Variants in SDC4 observed in about 807,000 individuals in gnomAD.
SDC4 encodes the protein syndecan-4.
SDC4 carries 17 observed loss-of-function variants against 20.5 expected under a neutral mutation model. The ratio of observed to expected loss-of-function variants is 0.83; its 90% CI spans 0.57 to 1.25. The LOEUF is 1.25. Among genes scored for constraint, SDC4 ranks in the 50% most tolerant of loss-of-function variants. The pLI is 0.00. For synonymous variants in SDC4, 107 were observed against 105.3 expected (o/e 1.02, Z -0.10); for missense variants, 241 against 252.3 (o/e 0.96, Z 0.30).
intron 3 of SDC4, among the ~76,000 whole-genome samples, chr20:45,332,367 G>A (rs1987791381): frequency 3.3e-5 from 5 of 151,942 alleles, no homozygotes; most frequent in Non-Finnish European, 7.4e-5. Context: ...CACCATGTTG[G>A]CCAGGCTGGT....
At chr20:45,333,953 AAAG>A (rs147893643) in intron 2 of SDC4, among the ~76,000 whole-genome samples, 72,448 of 150,018 alleles carry the variant, frequency 0.48, 17,827 homozygotes, top group Admixed American at 0.56. Flanking sequence ...GTTAAAAAAA[AAAG>A]AAGAAGAAAT....
intron 1 of SDC4, among the ~76,000 whole-genome samples, chr20:45,336,921 A>G (rs1197836244): frequency 6.6e-6 from 1 of 151,242 alleles, no homozygotes; most frequent in Non-Finnish European, 1.5e-5. Flanking sequence ...TGCCAGCACC[A>G]TGCAGACACC....
chr20:45,329,206 G>A (rs1366124283), intron 4 of SDC4, among the ~76,000 whole-genome samples: 1 of 152,322 alleles, frequency 6.6e-6, no homozygotes, highest in African/African-American at 2.4e-5. Flanking sequence ...CTTTTCACAT[G>A]AGGCTCTTAG....
At chr20:45,348,234 TG>T (rs1365178485) in intron 1 of SDC4, 90 bp downstream of exon 1, 16 of 865,434 alleles carry the variant, frequency 1.8e-5, no homozygotes, top group Non-Finnish European at 2.7e-5. Flanking sequence ...ACCCCCGATC[TG>T]CCCCCCCCCA....
chr20:45,332,253 T>A (rs1332786787), intron 3 of SDC4, among the ~76,000 whole-genome samples: 3 of 151,532 alleles, frequency 2.0e-5, no homozygotes, highest in African/African-American at 7.3e-5. Context: ...CCTCTCAGGT[T>A]CAAGCGATCC....
At chr20:45,342,591 G>A (rs548039692) in intron 1 of SDC4, among the ~76,000 whole-genome samples, 1 of 152,250 alleles carries the variant, frequency 6.6e-6, no homozygotes, top group South Asian at 2.1e-4. Flanking sequence ...CTGGAGGACA[G>A]GGGGAGGGGT....
At chr20:45,343,577 A>G (rs1245280294) in intron 1 of SDC4, among the ~76,000 whole-genome samples, 1 of 152,200 alleles carries the variant, frequency 6.6e-6, no homozygotes, top group Non-Finnish European at 1.5e-5. Flanking sequence ...AACCCATTCG[A>G]TAATTAGCAA....
intron 4 of SDC4, 34 bp from the exon 5 acceptor site, chr20:45,327,449 G>A: frequency 6.2e-7 from 1 of 1,603,206 alleles, no homozygotes; most frequent in South Asian, 1.1e-5. Context: ...GCGGGGGTGA[G>A]AGCTCCTCAT....
chr20:45,335,874 C>T lies in SDC4; in HGVS notation c.107G>A (p.Arg36Gln), dbSNP rs1037132441. The change falls in exon 2 of 5, where the codon CGA (arginine) becomes CAA (glutamine). Residue 36 changes from arginine (R) to glutamine (Q), a missense_variant. Arg to Gln is a conservative substitution (Grantham distance 43, BLOSUM62 1). Coordinates refer to ENST00000372733, the MANE Select transcript of SDC4 (RefSeq NM_002999.4). Reference protein sequence around the residue: ...VIDPQDLLEGRYFSGALPDDE... With the variant: ...VIDPQDLLEGQYFSGALPDDE... ...GTCTGGTAGGGCTCCGGAGAAGTAT[C>T]GGCCTTCTAGGAGGTCCTGGGGGTC... 14 of 1,613,754 alleles carry T rather than the reference C, an allele frequency of 8.7e-6. No homozygotes were observed. Among genetic ancestry groups the T allele is most frequent in the Non-Finnish European group, 1.1e-5 (13 of 1,179,964 alleles).
At chr20:45,344,515 C>T (rs973786052) in intron 1 of SDC4, among the ~76,000 whole-genome samples, 29 of 152,196 alleles carry the variant, frequency 1.9e-4, no homozygotes, top group Admixed American at 6.5e-4. Flanking sequence ...CTGTCCAGTC[C>T]GGGAGGTTGA....
At chr20:45,339,191 C>A (rs1987919004) in intron 1 of SDC4, among the ~76,000 whole-genome samples, 1 of 152,164 alleles carries the variant, frequency 6.6e-6, no homozygotes, top group Non-Finnish European at 1.5e-5. Context: ...ACCAACGGTC[C>A]TCCTCTCCTC....
intron 1 of SDC4, among the ~76,000 whole-genome samples, chr20:45,343,783 G>C (rs1987990503): frequency 6.6e-6 from 1 of 152,162 alleles, no homozygotes; most frequent in Admixed American, 6.5e-5. Flanking sequence ...GCAAGGAAGG[G>C]AACTGTCACT....
At chr20:45,344,676 T>C (rs911262518) in intron 1 of SDC4, among the ~76,000 whole-genome samples, 1 of 152,002 alleles carries the variant, frequency 6.6e-6, no homozygotes, top group African/African-American at 2.4e-5. Flanking sequence ...GAGCTGAATG[T>C]CCCCCCGCCA....
rs753484032 is a variant in SDC4 at position 45,333,009 on chromosome 20, A to T, written c.246+14T>A. On this transcript the variant is annotated intron_variant, in intron 3 of 4. Coordinates refer to ENST00000372733, the MANE Select transcript of SDC4 (RefSeq NM_002999.4). ...GGAGCAAAGTGGAAGAGGCAGAAGC[A>T]TGTAGCTACTTACCAAGGGATGGAC... 1 of 1,613,586 alleles carries T rather than the reference A, an allele frequency of 6.2e-7. No individual in the cohort carries two copies. The highest frequency in any genetic ancestry group is 8.5e-7 in the Non-Finnish European group (1 of 1,179,438).
chr20:45,330,379 C>T lies in SDC4; in HGVS notation c.432G>A (p.Thr144=), dbSNP rs377410926. The change falls in exon 4 of 5, where the codon ACG becomes ACA. Residue 144 remains threonine, a synonymous_variant. Transcript: ENST00000372733. ...TVQGSNIFER[T]EVLAALIVGG... ...ATGGGGACTTACCTGCCAGGACCTC[C>T]GTTCTCTCAAAGATGTTGCTGCCCT... 9.9e-6 allele frequency: 16 copies of T among 1,614,092 alleles called. No homozygotes were observed. Among genetic ancestry groups the T allele is most frequent in the East Asian group, 2.2e-5 (1 of 44,872 alleles).
intron 4 of SDC4, 97 bp downstream of exon 4, chr20:45,330,269 G>C: frequency 9.2e-7 from 1 of 1,089,732 alleles, no homozygotes; most frequent in Non-Finnish European, 1.4e-6. Context: ...GGGCACCAAG[G>C]AGCCTCATGG....
At chr20:45,348,209 G>T in intron 1 of SDC4, 116 bp downstream of exon 1, 1 of 999,320 alleles carries the variant, frequency 1.0e-6, no homozygotes, top group Non-Finnish European at 1.5e-6. Context: ...CTCGGTGTCC[G>T]GTTGGGGGTA....
rs755292034 is a variant in SDC4, at chr20:45,327,426, G to A, written c.446-11C>T. 6 of 1,610,334 alleles carry A rather than the reference G, an allele frequency of 3.7e-6. 1 individual carries two copies. Among genetic ancestry groups the A allele is most frequent in the Admixed American group, 3.3e-5 (2 of 59,968 alleles). On this transcript the variant is annotated splice_polypyrimidine_tract_variant and intron_variant, in intron 4 of 4. Transcript: ENST00000372733. ...CACCCACAATCAGAGCTGGAGAGGA[G>A]GAGAGAGAAGAGGCGGGGGTGAGAG...
intron 1 of SDC4, among the ~76,000 whole-genome samples, chr20:45,340,501 C>A (rs1471972437): frequency 1.3e-5 from 2 of 152,248 alleles, no homozygotes; most frequent in Non-Finnish European, 2.9e-5. Context: ...CCCGCCAGTC[C>A]ACAACACACT....
Sources: allele counts gnomAD v4.1 joint callset (sites outside exome capture counted in the v4.1 genomes callset), GRCh38; gene constraint gnomAD v4.1.1; transcripts MANE v1.5; gene names NCBI Gene and HGNC (gene_info 2026-07-23, HGNC 2026-07-21).